Variants in CBFB observed in about 807,000 individuals in gnomAD.
The protein encoded by CBFB is core-binding factor subunit beta.
A neutral mutation model predicts 30.4 loss-of-function variants in CBFB; 9 were observed. The ratio of observed to expected loss-of-function variants is 0.30; its 90% CI spans 0.18 to 0.52. The LOEUF is 0.52. CBFB is among the 20% of genes least tolerant of loss of function. The pLI, the probability that CBFB is intolerant of heterozygous loss-of-function variation, is 0.97. For synonymous variants in CBFB, 94 were observed against 84.0 expected (o/e 1.12, Z -0.65); for missense variants, 170 against 244.0 (o/e 0.70, Z 2.02).
At chr16:67,089,375 G>A (rs998915300) in intron 5 of CBFB, among the ~76,000 whole-genome samples, 3 of 152,090 alleles carry the variant, frequency 2.0e-5, no homozygotes, top group African/African-American at 7.2e-5. Flanking sequence ...GGGAGAACCA[G>A]GTACCTGGGG....
intron 4 of CBFB, among the ~76,000 whole-genome samples, chr16:67,081,842 T>C (rs1430438417): frequency 1.2e-4 from 18 of 151,408 alleles, no homozygotes; most frequent in Non-Finnish European, 1.5e-5. Context: ...TCTTTTTTTT[T>C]CTTTTCCTTT....
At chr16:67,086,988 T>A (rs2950866) in intron 5 of CBFB, among the ~76,000 whole-genome samples, 151,144 of 152,102 alleles carry the variant, frequency 0.99, 75,095 homozygotes, top group Middle Eastern at 1. Flanking sequence ...TGCCAGCTGT[T>A]CAAGTTGGAG....
In CBFB at chr16:67,099,012, A is replaced by G. The variant is rs1338307238; in HGVS notation, c.*234A>G. On this transcript the variant is annotated 3_prime_UTR_variant, in exon 6 of 6. Transcript: ENST00000412916. ...AGTAATAATTTGAAGTTTTTTTTCTATGCAAGCTTACCTTGTTGGCATTAT... is the reference window on the plus strand; with the variant it reads ...AGTAATAATTTGAAGTTTTTTTTCTGTGCAAGCTTACCTTGTTGGCATTAT... 4 of 407,960 alleles carry G rather than the reference A, an allele frequency of 9.8e-6. No individual in the cohort carries two copies. The highest frequency in any genetic ancestry group is 4.1e-5 in the African/African-American group (2 of 48,600). The allele number at this position is 407,960 out of a possible 1,614,324, so 25.3% of individuals were successfully genotyped here.
chr16:67,060,904 CTTAGTATTATGTTTTCAAGGTTCAT>C (rs1567613686), intron 3 of CBFB, among the ~76,000 whole-genome samples: 1 of 152,112 alleles, frequency 6.6e-6, no homozygotes, highest in Non-Finnish European at 1.5e-5. Flanking sequence ...GCTTCATTCA[CTTAGTATTATGTTTTCAAGGTTCAT>C]TCTGTGTTGT....
chr16:67,082,180 A>C (rs766061366), intron 4 of CBFB, 33 bp from the exon 5 acceptor site: 2 of 1,467,760 alleles, frequency 1.4e-6, no homozygotes, highest in Non-Finnish European at 9.1e-7. Context: ...TTATAAATCA[A>C]AATTAAAATA....
intron 4 of CBFB, among the ~76,000 whole-genome samples, chr16:67,072,967 C>T (rs1164764474): frequency 1.3e-5 from 2 of 152,090 alleles, no homozygotes; most frequent in African/African-American, 4.8e-5. Flanking sequence ...CCTGCCACAG[C>T]CTCCCAAAGC....
intron 3 of CBFB, among the ~76,000 whole-genome samples, chr16:67,060,136 C>T (rs747849741): frequency 4.6e-5 from 7 of 151,984 alleles, no homozygotes; most frequent in Non-Finnish European, 1.0e-4. Flanking sequence ...TGACACCACA[C>T]CTGGCTAATT....
chr16:67,072,762 G>C (rs1417616185), intron 4 of CBFB, among the ~76,000 whole-genome samples: 1 of 150,874 alleles, frequency 6.6e-6, no homozygotes, highest in African/African-American at 2.4e-5. Flanking sequence ...CACCATGCCC[G>C]GCCTCTTTTT....
intron 2 of CBFB, chr16:67,030,097 G>A (rs1224831245): frequency 5.4e-6 from 2 of 371,812 alleles, no homozygotes; most frequent in Non-Finnish European, 9.6e-6. Context: ...GCATTGTTTA[G>A]GCGGCGACAC....
chr16:67,070,958 C>T (rs796910242), intron 4 of CBFB, among the ~76,000 whole-genome samples: 4 of 152,180 alleles, frequency 2.6e-5, no homozygotes, highest in African/African-American at 9.6e-5. Flanking sequence ...CCATAGTCCC[C>T]AAATTGAACT....
chr16:67,078,926 T>A (rs985984300), intron 4 of CBFB, among the ~76,000 whole-genome samples: 11 of 152,272 alleles, frequency 7.2e-5, no homozygotes, highest in Admixed American at 3.3e-4. Context: ...CCCAAAGTGC[T>A]TGAGCTTATA....
At chr16:67,088,187 G>A (rs1251388474) in intron 5 of CBFB, among the ~76,000 whole-genome samples, 1 of 152,134 alleles carries the variant, frequency 6.6e-6, no homozygotes, top group African/African-American at 2.4e-5. Flanking sequence ...ACATAGGGGA[G>A]TTTGGGGTTT....
chr16:67,061,130 C>T (rs1960899442), intron 3 of CBFB, among the ~76,000 whole-genome samples: 1 of 152,172 alleles, frequency 6.6e-6, no homozygotes, highest in African/African-American at 2.4e-5. Context: ...ATCACAAATA[C>T]TTATATTTAG....
Position 67,100,224 on chromosome 16 carries a change from GAC to G in CBFB, c.*1450_*1451del. On this transcript the variant is annotated 3_prime_UTR_variant, in exon 6 of 6. Coordinates refer to ENST00000412916, the MANE Select transcript of CBFB (RefSeq NM_022845.3). ...GCATTATTTTAAAGGGTGAAAAACT[GAC>G]ACAGTCAATTCAGAAAATGGACTGA... 4.6e-6 allele frequency: 1 copy of G among 216,806 alleles called. No homozygotes were observed. Among genetic ancestry groups the G allele is most frequent in the Non-Finnish European group, 9.3e-6 (1 of 107,378 alleles). The allele number at this position is 216,806 out of a possible 1,614,324, so 13.4% of individuals were successfully genotyped here. A position where few individuals can be genotyped will look rare whatever the true frequency, so the allele number is the denominator to read the frequency against.
At chr16:67,095,176 C>T (rs191021924) in intron 5 of CBFB, among the ~76,000 whole-genome samples, 113 of 140,800 alleles carry the variant, frequency 8.0e-4, no homozygotes, top group Admixed American at 1.3e-3. Flanking sequence ...GGCCATTGCA[C>T]TCCAGCCTAG....
intron 5 of CBFB, among the ~76,000 whole-genome samples, chr16:67,097,334 T>A (rs1336556265): frequency 6.6e-6 from 1 of 151,788 alleles, no homozygotes; most frequent in Non-Finnish European, 1.5e-5. Flanking sequence ...TCACCTGAGG[T>A]CGGAAGTTCG....
intron 5 of CBFB, among the ~76,000 whole-genome samples, chr16:67,091,678 G>T (rs1230271873): frequency 6.6e-6 from 1 of 152,168 alleles, no homozygotes; most frequent in African/African-American, 2.4e-5. Flanking sequence ...CTCGCAGTCT[G>T]CTTATCTGAC....
At chr16:67,087,742 G>A (rs1961769842) in intron 5 of CBFB, among the ~76,000 whole-genome samples, 1 of 152,160 alleles carries the variant, frequency 6.6e-6, no homozygotes, top group Non-Finnish European at 1.5e-5. Flanking sequence ...GTGATTGAGA[G>A]CATGGGCTTT....
chr16:67,033,897 C>T (rs1966399996), intron 2 of CBFB, among the ~76,000 whole-genome samples: 1 of 146,540 alleles, frequency 6.8e-6, no homozygotes, highest in Admixed American at 6.9e-5. Flanking sequence ...TCTTGGCTCT[C>T]GGCTCACTGC....
Sources: gnomAD v4.1 joint callset for allele counts (sites outside exome capture counted in the v4.1 genomes callset) on GRCh38, gnomAD v4.1.1 for gene constraint, MANE v1.5 for transcripts, NCBI Gene and HGNC (gene_info 2026-07-23, HGNC 2026-07-21) for gene names.